DNAJC1: variants seen among roughly 807,000 people sequenced by gnomAD.
DNAJC1 encodes dnaJ homolog subfamily C member 1.
DNAJC1 carries 58 observed loss-of-function variants against 76.6 expected under a neutral mutation model. That is an observed-to-expected ratio of 0.76 (90% CI 0.61 to 0.94). The LOEUF (loss-of-function observed/expected upper bound fraction) is 0.94. DNAJC1 is among the 40% of genes least tolerant of loss of function. The probability of loss-of-function intolerance (pLI) is 0.00; values close to 1 mark genes in which losing one functional copy is unlikely to be tolerated. For synonymous variants in DNAJC1, 258 were observed against 267.9 expected, an observed-to-expected ratio of 0.96 and a Z score of 0.36; for missense variants, 689 against 677.3, an observed-to-expected ratio of 1.02 and a Z score of -0.19.
chr10:21,884,727 A>G (rs1427835374), intron 7 of DNAJC1, among the ~76,000 whole-genome samples: 2 of 152,204 alleles, frequency 1.3e-5, no homozygotes, highest in Admixed American at 1.3e-4. Context: ...TCACCATTGA[A>G]GTAGAGCAAT....
At chr10:21,980,117 T>A in intron 1 of DNAJC1, among the ~76,000 whole-genome samples, 1 of 152,074 alleles carries the variant, frequency 6.6e-6, no homozygotes, top group East Asian at 1.9e-4. Context: ...AAATATCTAC[T>A]GACCACAGGG....
rs140310818 is a variant in DNAJC1, at chr10:21,922,283, A to C, written c.372-1320T>G. Among the ~76,000 whole-genome samples the C allele has an allele frequency of 1.1e-3, 169 of 152,162 alleles. 2 individuals are homozygous for C. The East Asian group carries it at 0.027, about 24-fold the overall frequency. ...AAAAATAAAGCAGAGGATTTATTAC[A>C]GGCAACTTCTTTTTTCAGTAGAAAA... On this transcript the variant is annotated intron_variant, in intron 3 of 11. Transcript: ENST00000376980.
At chr10:21,908,589 A>G (rs1248467521) in intron 6 of DNAJC1, among the ~76,000 whole-genome samples, 2 of 151,474 alleles carry the variant, frequency 1.3e-5, no homozygotes, top group East Asian at 3.9e-4. Context: ...ACTCCAGTTT[A>G]CCTACACAGA....
At chr10:21,927,938 T>G (rs1418133976) in intron 3 of DNAJC1, among the ~76,000 whole-genome samples, 2 of 152,206 alleles carry the variant, frequency 1.3e-5, no homozygotes, top group African/African-American at 4.8e-5. Context: ...TAACCCTGAA[T>G]GCAGAATTGC....
intron 7 of DNAJC1, among the ~76,000 whole-genome samples, chr10:21,897,977 A>C (rs759696614): frequency 6.6e-6 from 1 of 152,230 alleles, no homozygotes; most frequent in Non-Finnish European, 1.5e-5. Flanking sequence ...AAATCCAAGG[A>C]ATCTACATTA....
chr10:21,862,865 G>C (rs1835938859), intron 8 of DNAJC1, among the ~76,000 whole-genome samples: 1 of 152,132 alleles, frequency 6.6e-6, no homozygotes, highest in South Asian at 2.1e-4. Context: ...AGGCGAGGTG[G>C]CTCACGCCTG....
intron 9 of DNAJC1, among the ~76,000 whole-genome samples, chr10:21,774,273 C>T (rs1834426874): frequency 1.3e-5 from 2 of 151,906 alleles, no homozygotes; most frequent in South Asian, 4.2e-4. Context: ...TTTTTCTCTG[C>T]TTCCTGCCTG....
Position 21,835,888 on chromosome 10 carries a change from T to C in DNAJC1, c.979-29789A>G, listed in dbSNP as rs898031205. On this transcript the variant is annotated intron_variant, in intron 8 of 11. Transcript: ENST00000376980. ...AAGTGACAGGGAGAATGGAACCAAGTTGGAAAACACTCTGCAGGATACTGT... is the reference window on the plus strand; with the variant it reads ...AAGTGACAGGGAGAATGGAACCAAGCTGGAAAACACTCTGCAGGATACTGT... Among the ~76,000 whole-genome samples the C allele has an allele frequency of 7.9e-5, 12 of 152,312 alleles. No homozygotes were observed. The East Asian group carries it at 1.9e-3, about 25-fold the overall frequency.
At chr10:21,769,000 C>G (rs568585596) in intron 9 of DNAJC1, among the ~76,000 whole-genome samples, 2 of 152,272 alleles carry the variant, frequency 1.3e-5, no homozygotes, top group African/African-American at 4.8e-5. Flanking sequence ...CTTTTCTATT[C>G]CACTTGGCAT....
At chr10:21,852,120 C>T (rs1724820408) in intron 8 of DNAJC1, among the ~76,000 whole-genome samples, 1 of 151,340 alleles carries the variant, frequency 6.6e-6, no homozygotes, top group South Asian at 2.1e-4. Flanking sequence ...CACACACACA[C>T]ACACACACAC....
intron 7 of DNAJC1, among the ~76,000 whole-genome samples, chr10:21,891,296 A>C (rs1201232760): frequency 2.6e-5 from 4 of 152,132 alleles, no homozygotes; most frequent in African/African-American, 9.7e-5. Context: ...AAAAAGTTTC[A>C]GCAAAAAAAT....
chr10:21,957,655 T>C (rs1837712652), intron 1 of DNAJC1, among the ~76,000 whole-genome samples: 1 of 152,198 alleles, frequency 6.6e-6, no homozygotes, highest in Non-Finnish European at 1.5e-5. Flanking sequence ...GCTTTACTCA[T>C]CTTTTTTCCT....
At chr10:21,803,563 C>A (rs1353213612) in intron 9 of DNAJC1, among the ~76,000 whole-genome samples, 1 of 150,744 alleles carries the variant, frequency 6.6e-6, no homozygotes, top group African/African-American at 2.5e-5. Context: ...TCTACAGACA[C>A]CTGTTCTCTT....
intron 1 of DNAJC1, among the ~76,000 whole-genome samples, chr10:21,999,479 G>A (rs1202543549): frequency 1.8e-5 from 2 of 109,306 alleles, no homozygotes; most frequent in Non-Finnish European, 3.4e-5. Flanking sequence ...TTTTTGAGAC[G>A]GAGTCTCGCT....
chr10:21,850,543 T>C (rs569827004), intron 8 of DNAJC1, among the ~76,000 whole-genome samples: 1 of 151,586 alleles, frequency 6.6e-6, no homozygotes, highest in African/African-American at 2.4e-5. Flanking sequence ...CTTTTTTTTT[T>C]TTTTTACTTA....
At chr10:21,960,573 G>A (rs1419105643) in intron 1 of DNAJC1, among the ~76,000 whole-genome samples, 2 of 152,042 alleles carry the variant, frequency 1.3e-5, no homozygotes, top group Admixed American at 6.5e-5. Context: ...TATTAGCCAA[G>A]CATGGTACTT....
intron 8 of DNAJC1, among the ~76,000 whole-genome samples, chr10:21,821,170 C>T (rs556095048): frequency 6.6e-6 from 1 of 152,152 alleles, no homozygotes; most frequent in Non-Finnish European, 1.5e-5. Context: ...GTCTTATGAC[C>T]CACTATCAGA....
intron 7 of DNAJC1, among the ~76,000 whole-genome samples, chr10:21,888,418 G>A (rs181246101): frequency 2.5e-4 from 38 of 152,164 alleles, no homozygotes; most frequent in South Asian, 6.2e-4. Context: ...TCATTCTACC[G>A]TAAAGACACA....
intron 11 of DNAJC1, among the ~76,000 whole-genome samples, chr10:21,757,722 C>T (rs1198114723): frequency 6.6e-6 from 1 of 152,180 alleles, no homozygotes; most frequent in African/African-American, 2.4e-5. Context: ...ACAGTGTGCT[C>T]GGAGCTCTGA....
Sources: gnomAD v4.1 joint callset for allele counts (sites outside exome capture counted in the v4.1 genomes callset) on GRCh38, gnomAD v4.1.1 for gene constraint, MANE v1.5 for transcripts, NCBI Gene and HGNC (gene_info 2026-07-23, HGNC 2026-07-21) for gene names.